Variants in PSMF1 observed in about 807,000 individuals in gnomAD.
PSMF1 encodes proteasome inhibitor PI31 subunit.
PSMF1 carries 30 observed loss-of-function variants against 29.3 expected under a neutral mutation model. The observed-to-expected ratio is 1.02, with a 90% CI of 0.77 to 1.39. The LOEUF is 1.39. PSMF1 is among the 40% of genes most tolerant of loss of function. PSMF1 has a pLI of 0.00. For missense variants in PSMF1, 344 were observed against 357.5 expected, an observed-to-expected ratio of 0.96 and a Z score of 0.31; for synonymous variants, 134 against 139.7, an observed-to-expected ratio of 0.96 and a Z score of 0.29.
At position 1,156,845 on chromosome 20, in the gene PSMF1, G is replaced by A. The variant is rs375703119; in HGVS notation, c.552-6285G>A. 3.7e-4 allele frequency among the ~76,000 whole-genome samples: 57 copies of A among 152,300 alleles called. No homozygotes were observed. The Middle Eastern group carries it at 0.01, about 27-fold the overall frequency. ...GGTATAAAAGAAGAGTGGTAGAAATGGTAAATATGTGGGTAAATATAATGG... is the reference window on the plus strand; with the variant it reads ...GGTATAAAAGAAGAGTGGTAGAAATAGTAAATATGTGGGTAAATATAATGG... On this transcript the variant is annotated intron_variant, in intron 4 of 6. Coordinates refer to ENST00000335877, the MANE Select transcript of PSMF1 (RefSeq NM_006814.5).
intron 4 of PSMF1, among the ~76,000 whole-genome samples, chr20:1,140,044 C>A (rs188838266): frequency 6.6e-6 from 1 of 152,162 alleles, no homozygotes; most frequent in Non-Finnish European, 1.5e-5. Context: ...CTATTCAGTG[C>A]GATCCCAGTG....
rs6040163 is a variant in PSMF1, at chr20:1,151,568, A to C, written c.552-11562A>C. 4.6e-3 allele frequency among the ~76,000 whole-genome samples: 708 copies of C among 152,324 alleles called. 5 individuals are homozygous for C. Among genetic ancestry groups the C allele is most frequent in the African/African-American group, 0.016 (655 of 41,564 alleles). ...AATTTGGACTTGAGTCTTATGCCCAAATCAATCTAAGTGTCCATCATGTGC... is the reference window on the plus strand; with the variant it reads ...AATTTGGACTTGAGTCTTATGCCCACATCAATCTAAGTGTCCATCATGTGC... On this transcript the variant is annotated intron_variant, in intron 4 of 6. Coordinates refer to ENST00000335877, the MANE Select transcript of PSMF1 (RefSeq NM_006814.5).
At chr20:1,157,419 A>G (rs1018627486) in intron 4 of PSMF1, among the ~76,000 whole-genome samples, 1 of 152,228 alleles carries the variant, frequency 6.6e-6, no homozygotes, top group South Asian at 2.1e-4. Context: ...ATAAGGTCAT[A>G]ATTACGCCTA....
rs541753299 is a variant in PSMF1, at chr20:1,163,269, G to A, written c.605+86G>A. 1.4e-5 allele frequency: 20 copies of A among 1,465,708 alleles called. No homozygotes were observed. Among genetic ancestry groups the A allele is most frequent in the African/African-American group, 1.3e-4 (9 of 71,578 alleles). The allele number at this position is 1,465,708 out of a possible 1,614,324, so 90.8% of individuals were successfully genotyped here. A position where few individuals can be genotyped will look rare whatever the true frequency, so the allele number is the denominator to read the frequency against. ...CTCATCTTCTAATTTTAGAGTTTTCGGTCAGTCTCTTCCTTTGGGGTGGAG... is the reference window on the plus strand; with the variant it reads ...CTCATCTTCTAATTTTAGAGTTTTCAGTCAGTCTCTTCCTTTGGGGTGGAG... On this transcript the variant is annotated intron_variant, in intron 5 of 6. Coordinates refer to ENST00000335877, the MANE Select transcript of PSMF1 (RefSeq NM_006814.5). The surrounding 1 kb of genome is among the most constrained non-coding windows in gnomAD (Gnocchi z 6.1).
chr20:1,151,563 G>A (rs1433713868), intron 4 of PSMF1, among the ~76,000 whole-genome samples: 1 of 152,190 alleles, frequency 6.6e-6, no homozygotes, highest in Non-Finnish European at 1.5e-5. Context: ...TGAGTCTTAT[G>A]CCCAAATCAA....
At chr20:1,127,288 T>G (rs1416613184) in intron 2 of PSMF1, 138 bp from the exon 3 acceptor site, 1 of 797,806 alleles carries the variant, frequency 1.3e-6, no homozygotes, top group Admixed American at 1.7e-5. Flanking sequence ...AGGTATTTCA[T>G]ATAAACAGTC....
At chr20:1,154,770 A>G (rs2086572705) in intron 4 of PSMF1, among the ~76,000 whole-genome samples, 1 of 152,200 alleles carries the variant, frequency 6.6e-6, no homozygotes, top group Admixed American at 6.5e-5. Flanking sequence ...TGGTTCAAAT[A>G]ATGCTGTGGA....
At chr20:1,147,078 G>A (rs1259075309) in intron 4 of PSMF1, among the ~76,000 whole-genome samples, 5 of 152,054 alleles carry the variant, frequency 3.3e-5, no homozygotes, top group African/African-American at 1.2e-4. Flanking sequence ...AGCCCAGAGC[G>A]GGTGTTGGGC....
intron 3 of PSMF1, among the ~76,000 whole-genome samples, chr20:1,131,264 G>A (rs1190091107): frequency 6.6e-6 from 1 of 152,224 alleles, no homozygotes; most frequent in Non-Finnish European, 1.5e-5. Context: ...CATTCCGTCT[G>A]TTCAGCAATA....
Position 1,118,866 on chromosome 20 carries a change from G to A in PSMF1, c.93G>A (p.Val31=). ...ALVCFLHWEV[V]THGYFGLGVG... is the part of the protein sequence containing the mutation. Reference sequence around the variant, plus strand: ...TCTGCTTCTTGCATTGGGAAGTGGTGACACACGGTTACTTCGGCTTGGGTG... The same window carrying A: ...TCTGCTTCTTGCATTGGGAAGTGGTAACACACGGTTACTTCGGCTTGGGTG... The change falls in exon 1 of 7, where the codon GTG becomes GTA. Residue 31 remains valine (V), a synonymous_variant. Transcript: ENST00000335877. 6.2e-7 allele frequency: 1 copy of A among 1,614,140 alleles called. No individual in the cohort carries two copies. The highest frequency in any genetic ancestry group is 8.5e-7 in the Non-Finnish European group (1 of 1,179,958).
intron 4 of PSMF1, among the ~76,000 whole-genome samples, chr20:1,143,386 G>A (rs2086407912): frequency 6.6e-6 from 1 of 152,160 alleles, no homozygotes; most frequent in Non-Finnish European, 1.5e-5. Flanking sequence ...GTCAATGGAG[G>A]AAAGAATGTC....
intron 4 of PSMF1, among the ~76,000 whole-genome samples, chr20:1,147,753 G>A (rs1007634396): frequency 6.6e-6 from 1 of 152,174 alleles, no homozygotes; most frequent in African/African-American, 2.4e-5. Context: ...TCAGATAGCT[G>A]TGTTGACCCT....
At chr20:1,117,858 G>A (rs1186252501), upstream of PSMF1, 1 of 152,230 alleles carries the variant, frequency 6.6e-6, no homozygotes, top group Admixed American at 6.5e-5. Flanking sequence ...TGAAGTAACG[G>A]GTGGTAAAAA....
intron 4 of PSMF1, among the ~76,000 whole-genome samples, chr20:1,138,560 T>C (rs1273338735): frequency 6.9e-6 from 1 of 145,630 alleles, no homozygotes; most frequent in Non-Finnish European, 1.5e-5. Context: ...AAAAACTACA[T>C]GTTCATCTCG....
chr20:1,166,364 A>G lies in PSMF1; in HGVS notation c.*1284A>G. On this transcript the variant is annotated 3_prime_UTR_variant, in exon 7 of 7. Transcript: ENST00000335877. ...CAGCTAGCATTTCAACCATATGTGG[A>G]TCCTTTCATTTCTCAGCTCCCTGGA... 1 of 1,183,064 alleles carries G rather than the reference A, an allele frequency of 8.5e-7. No individual in the cohort carries two copies. The highest frequency in any genetic ancestry group is 1.2e-6 in the Non-Finnish European group (1 of 810,778). 73.3% of individuals were successfully genotyped at this position (1,183,064 alleles called of 1,614,324 possible).
intron 4 of PSMF1, among the ~76,000 whole-genome samples, chr20:1,148,358 G>A (rs1349468891): frequency 1.3e-5 from 2 of 152,156 alleles, no homozygotes; most frequent in Non-Finnish European, 2.9e-5. Context: ...ATCATTATAA[G>A]TCTAACCTAT....
chr20:1,160,864 C>T, intron 4 of PSMF1: 1 of 457,814 alleles, frequency 2.2e-6, no homozygotes, highest in South Asian at 1.8e-5. Context: ...CAACAAGCTG[C>T]ATGTGTTCCT....
intron 4 of PSMF1, among the ~76,000 whole-genome samples, chr20:1,138,394 C>G (rs1258627134): frequency 6.6e-6 from 1 of 151,968 alleles, no homozygotes; most frequent in Non-Finnish European, 1.5e-5. Flanking sequence ...CCCGGTGGCT[C>G]ATGCCTGTAA....
At chr20:1,138,253 C>T (rs1290690884) in intron 4 of PSMF1, among the ~76,000 whole-genome samples, 4 of 152,096 alleles carry the variant, frequency 2.6e-5, no homozygotes, top group African/African-American at 9.7e-5. Context: ...ACTAACAAAC[C>T]AAATCCAGCA....
Sources: allele counts gnomAD v4.1 joint callset (sites outside exome capture counted in the v4.1 genomes callset), GRCh38; gene constraint gnomAD v4.1.1; non-coding constraint Gnocchi (gnomAD v3.1); transcripts MANE v1.5; gene names NCBI Gene and HGNC (gene_info 2026-07-23, HGNC 2026-07-21).